Variants in TMEM107 observed in about 807,000 individuals in gnomAD.
TMEM107 encodes the protein transmembrane protein 107.
TMEM107 carries 18 observed loss-of-function variants against 16.8 expected under a neutral mutation model. The observed-to-expected ratio is 1.07, with a 90% confidence interval of 0.74 to 1.59. The LOEUF (loss-of-function observed/expected upper bound fraction) is 1.59, where lower values mean the gene tolerates loss of function less well. Ranked by LOEUF, TMEM107 falls within the 40% of genes most tolerant of loss-of-function variation. The pLI, the probability that TMEM107 is intolerant of heterozygous loss-of-function variation, is 0.00. For synonymous variants in TMEM107, 68 were observed against 71.6 expected, an observed-to-expected ratio of 0.95 and a Z score of 0.25; for missense variants, 152 against 175.4, an observed-to-expected ratio of 0.87 and a Z score of 0.75.
intron 3 of TMEM107, 80 bp downstream of exon 3, chr17:8,175,677 G>T: frequency 8.8e-7 from 1 of 1,133,734 alleles, no homozygotes; most frequent in Non-Finnish European, 1.3e-6. Flanking sequence ...GGCTACAGCA[G>T]ACACTATTGT....
Position 8,174,572 on chromosome 17 carries a change from TGAA to T in TMEM107, c.298_300del (p.Phe100del), listed in dbSNP as rs752171066. Reference sequence around the variant, plus strand: ...GTAGTGCACTCCCAACGCTCGAATATGAAGAAGGACAGGGCCACGGATGCACTA... The same window carrying T: ...GTAGTGCACTCCCAACGCTCGAATATGAAGGACAGGGCCACGGATGCACTA... On this transcript the variant is annotated inframe_deletion, in exon 4 of 5. Coordinates refer to ENST00000437139, the MANE Select transcript of TMEM107 (RefSeq NM_183065.4). The T allele has an allele frequency of 2.4e-5, 39 of 1,613,984 alleles. No homozygotes were observed. The highest frequency in any genetic ancestry group is 3.1e-5 in the Non-Finnish European group (37 of 1,180,026).
chr17:8,176,043 G>A lies in TMEM107; in HGVS notation c.88-17C>T. 1 of 1,614,230 alleles carries A rather than the reference G, an allele frequency of 6.2e-7. No individual in the cohort carries two copies. Among genetic ancestry groups the A allele is most frequent in the Non-Finnish European group, 8.5e-7 (1 of 1,180,046 alleles). Reference sequence around the variant, plus strand: ...GTTGCTGTCCTGGGAGCAGGGCACAGGAAGAGAAGTGAAAAAGGGGCAGGC... The same window carrying A: ...GTTGCTGTCCTGGGAGCAGGGCACAAGAAGAGAAGTGAAAAAGGGGCAGGC... On this transcript the variant is annotated splice_polypyrimidine_tract_variant and intron_variant, in intron 1 of 4. Coordinates refer to ENST00000437139, the MANE Select transcript of TMEM107 (RefSeq NM_183065.4).
In TMEM107 at chr17:8,176,354, C is replaced by G. The variant is rs373783170; in HGVS notation, c.-68G>C. ...CAGAGACAGCGACTCCTGAAGTCTC[C>G]CCGCAAGCCGACAAATCTAGACGAA... is the stretch of plus-strand genomic sequence containing the variant. On this transcript the variant is annotated 5_prime_UTR_variant, in exon 1 of 5. Coordinates refer to ENST00000437139, the MANE Select transcript of TMEM107 (RefSeq NM_183065.4). 7 of 1,325,836 alleles carry G rather than the reference C, an allele frequency of 5.3e-6. No individual in the cohort carries two copies. The African/African-American group carries it at 1.0e-4, about 20-fold the overall frequency. 82.1% of individuals were successfully genotyped at this position (1,325,836 alleles called of 1,614,324 possible).
rs1983698282 is a variant in TMEM107, at chr17:8,173,226, C to A, written c.*977G>T. ...ATTAAAGTTATCAAACGACAAAAAACAAAGAGCCCATTTGTATTATTTCAC... is the reference window on the plus strand; with the variant it reads ...ATTAAAGTTATCAAACGACAAAAAAAAAAGAGCCCATTTGTATTATTTCAC... On this transcript the variant is annotated 3_prime_UTR_variant, in exon 5 of 5. Transcript: ENST00000437139. The A allele has an allele frequency of 4.5e-6, 2 of 447,424 alleles. No homozygotes were observed. Among genetic ancestry groups the A allele is most frequent in the Middle Eastern group, 5.6e-4 (1 of 1,782 alleles). The allele number at this position is 447,424 out of a possible 1,614,324, so 27.7% of individuals were successfully genotyped here.
rs745938364 is a variant in TMEM107 at position 8,173,459 on chromosome 17, A to ATAGGAG, written c.*743_*744insCTCCTA. On this transcript the variant is annotated 3_prime_UTR_variant, in exon 5 of 5. Transcript: ENST00000437139. ...GTAAGTGATCGTCAGAAAGAATCAG[A>ATAGGAG]CAGGAGCAATCAGGGTGTTGCAAGT... The ATAGGAG allele has an allele frequency of 1.2e-4, 94 of 763,978 alleles. No homozygotes were observed. The highest frequency in any genetic ancestry group is 5.1e-5 in the Admixed American group (3 of 58,930). 47.3% of individuals were successfully genotyped at this position (763,978 alleles called of 1,614,324 possible). A position where few individuals can be genotyped will look rare whatever the true frequency, so the allele number is the denominator to read the frequency against.
At position 8,173,581 on chromosome 17, in the gene TMEM107, C is replaced by CT. The variant is rs1459695964; in HGVS notation, c.*621dup. On this transcript the variant is annotated 3_prime_UTR_variant, in exon 5 of 5. Coordinates refer to ENST00000437139, the MANE Select transcript of TMEM107 (RefSeq NM_183065.4). ...GAGGAACAGGTAAGGATTATCCCAC[C>CT]TGACGATACAGACAAACAGCCGACA... is the stretch of plus-strand genomic sequence containing the variant. 16 of 764,224 alleles carry CT rather than the reference C, an allele frequency of 2.1e-5. No homozygotes were observed. The highest frequency in any genetic ancestry group is 7.3e-5 in the East Asian group (3 of 41,228). 47.3% of individuals were successfully genotyped at this position (764,224 alleles called of 1,614,324 possible). A position where few individuals can be genotyped will look rare whatever the true frequency, so the allele number is the denominator to read the frequency against.
chr17:8,175,607 A>C, intron 3 of TMEM107, 150 bp downstream of exon 3: 1 of 802,618 alleles, frequency 1.2e-6, no homozygotes, highest in East Asian at 2.5e-5. Context: ...TTGGGATTTT[A>C]AGTGCCTAGT....
chr17:8,175,988 G>C lies in TMEM107; in HGVS notation c.126C>G (p.Thr42=). ...NIQACLPLTF[T]PEEYDKQDIQ... The stretch of plus-strand genomic sequence containing the variant: ...TGTCCTGCTTGTCATACTCCTCGGG[G>C]GTGAACGTGAGAGGCAGGCAGGCCT... The change falls in exon 2 of 5, where the codon ACC becomes ACG. Residue 42 remains threonine (T), a synonymous_variant. Transcript: ENST00000437139. The C allele has an allele frequency of 6.2e-7, 1 of 1,614,250 alleles. No individual in the cohort carries two copies. Among genetic ancestry groups the C allele is most frequent in the Non-Finnish European group, 8.5e-7 (1 of 1,180,048 alleles).
intron 1 of TMEM107, 43 bp from the exon 2 acceptor site, chr17:8,176,069 T>G: frequency 6.2e-7 from 1 of 1,613,044 alleles, no homozygotes. Context: ...AGGGGCAGGC[T>G]GCAGGGCAGG....
rs183612235 is a variant in TMEM107, at chr17:8,173,002, T to A, written c.*1201A>T. Among the ~76,000 whole-genome samples the A allele has an allele frequency of 6.6e-4, 101 of 152,170 alleles. No homozygotes were observed. Among genetic ancestry groups the A allele is most frequent in the African/African-American group, 2.3e-3 (96 of 41,492 alleles). On this transcript the variant is annotated 3_prime_UTR_variant, in exon 5 of 5. Transcript: ENST00000437139. ...GTTTCTTGGGGGTGTACTGGTAGAT[T>A]TTTAACAACCAACTCTCCAAAAACA... is the stretch of plus-strand genomic sequence containing the variant.
intron 3 of TMEM107, 27 bp from the exon 4 acceptor site, chr17:8,174,643 G>A (rs370453727): frequency 1.2e-6 from 2 of 1,603,754 alleles, no homozygotes; most frequent in African/African-American, 1.3e-5. Flanking sequence ...ATTAAGGAAA[G>A]TCTTTGGATC....
Position 8,174,584 on chromosome 17 carries a change from G to C in TMEM107, c.289C>G (p.Leu97Val). The change falls in exon 4 of 5, where the codon CTG (leucine) becomes GTG (valine). Residue 97 changes from leucine (L) to valine (V), a missense_variant. Physicochemically the swap from Leu to Val is conservative, Grantham distance 32. Transcript: ENST00000437139. ...CAACGCTCGAATATGAAGAAGGACAGGGCCACGGATGCACTACAGTGAGCC... is the reference window on the plus strand; with the variant it reads ...CAACGCTCGAATATGAAGAAGGACACGGCCACGGATGCACTACAGTGAGCC... The part of the protein sequence containing the change: ...IGAHCSASVA[L>V]SFFIFERWEC... 1.2e-6 allele frequency: 2 copies of C among 1,614,038 alleles called. No individual in the cohort carries two copies. Among genetic ancestry groups the C allele is most frequent in the Non-Finnish European group, 1.7e-6 (2 of 1,179,974 alleles).
At chr17:8,174,760 G>C (rs1983991190) in intron 3 of TMEM107, 144 bp from the exon 4 acceptor site, 5 of 712,964 alleles carry the variant, frequency 7.0e-6, no homozygotes, top group South Asian at 3.3e-5. Flanking sequence ...CAGCAGCTCT[G>C]ACTTCTGAAT....
In TMEM107 at chr17:8,175,818, T is replaced by C. The variant is rs376821547; in HGVS notation, c.195A>G (p.Ala65=). ...CTGAGAGGAAACCGGCCAGCTCCAC[T>C]GCAAAGAGGCCCAGGGTGACAGAGA... ...AALSVTLGLF[A]VELAGFLSGV... The change falls in exon 3 of 5, where the codon GCA becomes GCG. Residue 65 remains alanine, a synonymous_variant. Coordinates refer to ENST00000437139, the MANE Select transcript of TMEM107 (RefSeq NM_183065.4). 11 of 1,614,066 alleles carry C rather than the reference T, an allele frequency of 6.8e-6. No individual in the cohort carries two copies. In the Admixed American group the frequency reaches 1.3e-4, roughly 20 times the overall value.
intron 3 of TMEM107, 64 bp from the exon 4 acceptor site, chr17:8,174,680 C>T: frequency 1.4e-6 from 2 of 1,428,678 alleles, no homozygotes; most frequent in Non-Finnish European, 2.0e-6. Context: ...TCAGAAAAGG[C>T]CAGTGGTGGG....
In TMEM107 at chr17:8,173,525, C is replaced by T. The variant is rs372252345; in HGVS notation, c.*678G>A. On this transcript the variant is annotated 3_prime_UTR_variant, in exon 5 of 5. Transcript: ENST00000437139. Reference sequence around the variant, plus strand: ...ACGTTAATCACGTTTCATGCATCTCCAATCATCATGTTCTAATCTGCCCTC... The same window carrying T: ...ACGTTAATCACGTTTCATGCATCTCTAATCATCATGTTCTAATCTGCCCTC... The T allele has an allele frequency of 1.1e-4, 87 of 765,240 alleles. No individual in the cohort carries two copies. The highest frequency in any genetic ancestry group is 7.6e-4 in the Admixed American group (45 of 58,998). 47.4% of individuals were successfully genotyped at this position (765,240 alleles called of 1,614,324 possible).
At position 8,173,539 on chromosome 17, in the gene TMEM107, T is replaced by C. The variant is rs200525987; in HGVS notation, c.*664A>G. 328 of 765,462 alleles carry C rather than the reference T, an allele frequency of 4.3e-4. 4 individuals are homozygous for C. Among genetic ancestry groups the C allele is most frequent in the South Asian group, 2.8e-3 (206 of 74,620 alleles). The allele number at this position is 765,462 out of a possible 1,614,324, so 47.4% of individuals were successfully genotyped here. On this transcript the variant is annotated 3_prime_UTR_variant, in exon 5 of 5. Transcript: ENST00000437139. ...TCATGCATCTCCAATCATCATGTTC[T>C]AATCTGCCCTCCGGAGGAGGAACAG... is the stretch of plus-strand genomic sequence containing the variant.
rs539261856 is a variant in TMEM107, at chr17:8,173,551, C to A, written c.*652G>T. The A allele has an allele frequency of 1.3e-6, 1 of 765,142 alleles. No individual in the cohort carries two copies. The highest frequency in any genetic ancestry group is 2.4e-5 in the East Asian group (1 of 41,252). The allele number at this position is 765,142 out of a possible 1,614,324, so 47.4% of individuals were successfully genotyped here. ...AATCATCATGTTCTAATCTGCCCTCCGGAGGAGGAACAGGTAAGGATTATC... is the reference window on the plus strand; with the variant it reads ...AATCATCATGTTCTAATCTGCCCTCAGGAGGAGGAACAGGTAAGGATTATC... On this transcript the variant is annotated 3_prime_UTR_variant, in exon 5 of 5. Coordinates refer to ENST00000437139, the MANE Select transcript of TMEM107 (RefSeq NM_183065.4).
chr17:8,176,084 G>C, intron 1 of TMEM107, 58 bp from the exon 2 acceptor site: 2 of 1,611,798 alleles, frequency 1.2e-6, no homozygotes, highest in South Asian at 2.2e-5. Context: ...GGCAGGCCTG[G>C]GGGCGGCGGG....
Sources: allele counts gnomAD v4.1 joint callset (sites outside exome capture counted in the v4.1 genomes callset), GRCh38; gene constraint gnomAD v4.1.1; transcripts MANE v1.5; gene names NCBI Gene and HGNC (gene_info 2026-07-23, HGNC 2026-07-21).